PLEKHH3: variants seen among roughly 807,000 people sequenced by gnomAD.
The protein encoded by PLEKHH3 is pleckstrin homology, MyTH4 and FERM domain containing H3.
Under a neutral mutation model 77.8 loss-of-function variants are expected in PLEKHH3, and 57 were observed. The ratio of observed to expected loss-of-function variants is 0.73; its 90% CI spans 0.59 to 0.91. The LOEUF (loss-of-function observed/expected upper bound fraction) is 0.91. PLEKHH3 is among the 40% of genes least tolerant of loss of function. The pLI is 0.00. For synonymous variants in PLEKHH3, 467 were observed against 504.8 expected, an observed-to-expected ratio of 0.93 and a Z score of 1.00; for missense variants, 1,082 against 1,091.2, an observed-to-expected ratio of 0.99 and a Z score of 0.12.
intron 6 of PLEKHH3, 101 bp downstream of exon 6, chr17:42,673,075 T>G (rs1597792641): frequency 2.9e-6 from 4 of 1,388,714 alleles, no homozygotes; most frequent in South Asian, 1.7e-5. Context: ...AGCTGGCAGG[T>G]CCATGAAGGA....
At chr17:42,673,373 C>A (rs1318758886) in intron 5 of PLEKHH3, 26 bp downstream of exon 5, 1 of 1,611,930 alleles carries the variant, frequency 6.2e-7, no homozygotes, top group South Asian at 1.1e-5. Context: ...GGGTCCACCA[C>A]TCTCCTGGCT....
In PLEKHH3 at chr17:42,671,487, G is replaced by C. The variant is rs762781311; in HGVS notation, c.1148C>G (p.Thr383Arg). The C allele has an allele frequency of 5.6e-6, 9 of 1,612,980 alleles. No individual in the cohort carries two copies. The highest frequency in any genetic ancestry group is 1.6e-4 in the Middle Eastern group (1 of 6,084). Residue 383 changes from threonine (T) to arginine (R), a missense_variant, in exon 8 of 13, where the codon ACG (threonine) becomes AGG (arginine). This residue lies in a region of PLEKHH3 where 733 missense variants were observed against 750.0 expected (regional missense o/e 0.98). Coordinates refer to ENST00000591022, the MANE Select transcript of PLEKHH3 (RefSeq NM_024927.5). The surrounding 1 kb of genome is among the most constrained non-coding windows in gnomAD (Gnocchi z 4.7). Reference sequence around the variant, plus strand: ...CGAGGGCACCAGCTCTCTGCCGCGCGTCCGGCCCAGCGCTTTCCGGATGAA... The same window carrying C: ...CGAGGGCACCAGCTCTCTGCCGCGCCTCCGGCCCAGCGCTTTCCGGATGAA... ...ARFIRKALGR[T>R]RGRELVPSLA...
intron 12 of PLEKHH3, 156 bp from the exon 13 acceptor site, chr17:42,668,459 TTTC>T: frequency 1.7e-6 from 1 of 591,688 alleles, no homozygotes; most frequent in Non-Finnish European, 2.6e-6. Flanking sequence ...CTCTCCTTCA[TTTC>T]TTTTTTGTTT....
Position 42,672,077 on chromosome 17 carries a change from CCCT to C in PLEKHH3, c.1076+6_1076+8del. 6.8e-7 allele frequency: 1 copy of C among 1,460,562 alleles called. No homozygotes were observed. 90.5% of individuals were successfully genotyped at this position (1,460,562 alleles called of 1,614,324 possible). ...GCCTAGGCCGTAACCCCCACCTCGC[CCCT>C]CTCACCTCTCCAAGTGCCCCAGGAG... is the stretch of plus-strand genomic sequence containing the variant. On this transcript the variant is annotated splice_donor_region_variant and intron_variant, in intron 7 of 12. Coordinates refer to ENST00000591022, the MANE Select transcript of PLEKHH3 (RefSeq NM_024927.5).
intron 10 of PLEKHH3, 96 bp from the exon 11 acceptor site, chr17:42,670,472 C>T: frequency 6.6e-7 from 1 of 1,517,772 alleles, no homozygotes; most frequent in South Asian, 1.3e-5. Context: ...TCCAGTCAAG[C>T]CTCCCGCGGG....
chr17:42,670,550 G>C (rs1201263152), intron 10 of PLEKHH3, 23 bp downstream of exon 10: 1 of 1,598,328 alleles, frequency 6.3e-7, no homozygotes, highest in East Asian at 2.3e-5. Flanking sequence ...CTGTTTGGAG[G>C]CGTGAACGCC....
Position 42,668,158 on chromosome 17 carries a change from T to C in PLEKHH3, c.2351A>G (p.Gln784Arg). The C allele has an allele frequency of 6.7e-7, 1 of 1,484,420 alleles. No homozygotes were observed. 92.0% of individuals were successfully genotyped at this position (1,484,420 alleles called of 1,614,324 possible). ...CTGCAGCTGCCCCAAGCAGCCAGAC[T>C]GTCCCTGGGGCTCGTCCAGGCCCGG... ...QRPGLDEPQG[Q>R]SGCLGQLQD Residue 784 changes from glutamine (Q) to arginine (R), a missense_variant, in exon 13 of 13, where the codon CAG becomes CGG. Gln to Arg is a conservative substitution (Grantham distance 43). Transcript: ENST00000591022.
At position 42,669,527 on chromosome 17, in the gene PLEKHH3, CTG is replaced by C. The variant is rs748035030; in HGVS notation, c.2106_2107del (p.His702GlnfsTer114). ...GGCGGCCACATGGCCATAGCTGACA[CTG>C]TGGATGGGCTCCGTCTCCCCTGGCC... On this transcript the variant is annotated frameshift_variant, in exon 12 of 13. Transcript: ENST00000591022. LOFTEE classifies it high-confidence loss of function. 6 of 1,611,578 alleles carry C rather than the reference CTG, an allele frequency of 3.7e-6. No homozygotes were observed. In the African/African-American group the frequency reaches 8.0e-5, roughly 22 times the overall value.
At position 42,676,293 on chromosome 17, in the gene PLEKHH3, C is replaced by T. The variant is rs2052825488; in HGVS notation, c.162+109G>A. On this transcript the variant is annotated intron_variant, in intron 1 of 12. Transcript: ENST00000591022. This position sits in a 1 kb window ranked among gnomAD's most constrained non-coding sequence, Gnocchi z 6.6. ...CCCCAGGCAAAAAACTCTCCCTCAT[C>T]CCTAGTTCGCCAAGCGCGCAGCGTG... 8 of 1,538,822 alleles carry T rather than the reference C, an allele frequency of 5.2e-6. No individual in the cohort carries two copies. In the Middle Eastern group the frequency reaches 8.6e-4, roughly 166 times the overall value.
Position 42,672,331 on chromosome 17 carries a change from C to T in PLEKHH3, c.831G>A (p.Leu277=), listed in dbSNP as rs1303414679. Residue 277 remains leucine (L), a synonymous_variant, in exon 7 of 13, where the codon CTG becomes CTA. Coordinates refer to ENST00000591022, the MANE Select transcript of PLEKHH3 (RefSeq NM_024927.5). ...AVRLFLALQA[L]EGARRPGPLM... ...AGGGCCCGGGGCGCCGCGCCCCCTC[C>T]AGCGCCTGCAGCGCCAAGAACAGCC... is the stretch of plus-strand genomic sequence containing the variant. 8 of 1,546,360 alleles carry T rather than the reference C, an allele frequency of 5.2e-6. No individual in the cohort carries two copies. Among genetic ancestry groups the T allele is most frequent in the Admixed American group, 2.0e-5 (1 of 50,894 alleles).
At chr17:42,669,162 T>C (rs1185860161) in intron 12 of PLEKHH3, 1 of 345,072 alleles carries the variant, frequency 2.9e-6, no homozygotes, top group Non-Finnish European at 5.2e-6. Flanking sequence ...CTTCCCTGGC[T>C]AGCTTAAATG....
In PLEKHH3 at chr17:42,671,352, T is replaced by G. The variant is rs779279954; in HGVS notation, c.1283A>C (p.Glu428Ala). The G allele has an allele frequency of 1.9e-6, 3 of 1,609,568 alleles. No homozygotes were observed. In the East Asian group the frequency reaches 6.7e-5, roughly 36 times the overall value. Residue 428 changes from glutamate to alanine, a missense_variant and splice_region_variant, in exon 8 of 13, where the codon GAG becomes GCG. Coordinates refer to ENST00000591022, the MANE Select transcript of PLEKHH3 (RefSeq NM_024927.5). This position sits in a 1 kb window ranked among gnomAD's most constrained non-coding sequence, Gnocchi z 4.7. The stretch of plus-strand genomic sequence containing the variant: ...CATGGGGCCTTTCTCTGGCCTCACC[T>G]CCCCCGCCGTGGTGTGGGAGTCGAT... ...VAIDSHTTAG[E>A]VARELVGRLG...
rs1387324250 is a variant in PLEKHH3 at position 42,676,969 on chromosome 17, G to T, written c.-406C>A. ...GGTGGCCGGGGCCCGGGCCGCGCGC[G>T]CTGCGCTCCCTGCAGCCCCGGGACT... On this transcript the variant is annotated 5_prime_UTR_variant, in exon 1 of 13. Transcript: ENST00000591022. This position sits in a 1 kb window ranked among gnomAD's most constrained non-coding sequence, Gnocchi z 6.6. The T allele has an allele frequency of 5.8e-6, 1 of 173,524 alleles. No individual in the cohort carries two copies. The highest frequency in any genetic ancestry group is 6.5e-5 in the Admixed American group (1 of 15,486). 10.7% of individuals were successfully genotyped at this position (173,524 alleles called of 1,614,324 possible). A position where few individuals can be genotyped will look rare whatever the true frequency, so the allele number is the denominator to read the frequency against.
intron 2 of PLEKHH3, 66 bp downstream of exon 2, chr17:42,674,286 CAG>C: frequency 6.7e-7 from 1 of 1,486,944 alleles, no homozygotes; most frequent in Non-Finnish European, 9.1e-7. Context: ...CTAGGGGAGA[CAG>C]AGAGGATGGG....
At chr17:42,672,506 A>T in intron 6 of PLEKHH3, 114 bp from the exon 7 acceptor site, 355 of 651,386 alleles carry the variant, frequency 5.4e-4, no homozygotes, top group Non-Finnish European at 6.7e-4. Flanking sequence ...ATGGGGTGGC[A>T]GGGAGGGGAG....
rs2143617514 is a variant in PLEKHH3, at chr17:42,676,449, C to T, written c.115G>A (p.Glu39Lys). ...LSGDGDEDED[E>K]ETFELRTPSP... Reference sequence around the variant, plus strand: ...GGGGTCCGCAGCTCAAAGGTTTCCTCGTCCTCGTCCTCGTCCCCGTCCCCG... The same window carrying T: ...GGGGTCCGCAGCTCAAAGGTTTCCTTGTCCTCGTCCTCGTCCCCGTCCCCG... The change falls in exon 1 of 13, where the codon GAG becomes AAG. Residue 39 changes from glutamate to lysine, a missense_variant. This residue lies in a region of PLEKHH3 where 344 missense variants were observed against 320.8 expected (regional missense o/e 1.07). Coordinates refer to ENST00000591022, the MANE Select transcript of PLEKHH3 (RefSeq NM_024927.5). This position sits in a 1 kb window ranked among gnomAD's most constrained non-coding sequence, Gnocchi z 6.6. The T allele has an allele frequency of 6.2e-7, 1 of 1,613,180 alleles. No homozygotes were observed. Among genetic ancestry groups the T allele is most frequent in the South Asian group, 1.1e-5 (1 of 90,958 alleles).
chr17:42,674,283 A>T, intron 2 of PLEKHH3, 71 bp downstream of exon 2: 1 of 1,475,086 alleles, frequency 6.8e-7, no homozygotes, highest in Non-Finnish European at 9.1e-7. Flanking sequence ...CCGCTAGGGG[A>T]GACAGAGAGG....
chr17:42,673,641 A>C lies in PLEKHH3; in HGVS notation c.490+2T>G. On this transcript the variant is annotated splice_donor_variant, in intron 4 of 12. Transcript: ENST00000591022. LOFTEE classifies it high-confidence loss of function. ...GGTAGGAGAGTCCCCAGGAGGTCTC[A>C]CCTGTCTCCTTACGCCTGCGCTCTG... The C allele has an allele frequency of 6.2e-7, 1 of 1,602,622 alleles. No individual in the cohort carries two copies. Among genetic ancestry groups the C allele is most frequent in the Non-Finnish European group, 8.5e-7 (1 of 1,179,542 alleles).
Position 42,674,345 on chromosome 17 carries a change from G to T in PLEKHH3, c.218+9C>A. The T allele has an allele frequency of 6.4e-7, 1 of 1,570,800 alleles. No homozygotes were observed. The highest frequency in any genetic ancestry group is 8.6e-7 in the Non-Finnish European group (1 of 1,160,166). On this transcript the variant is annotated intron_variant, in intron 2 of 12. Coordinates refer to ENST00000591022, the MANE Select transcript of PLEKHH3 (RefSeq NM_024927.5). Reference sequence around the variant, plus strand: ...TCGCCAGACTATGGGACGTAGGGGCGTAGCTCACCTGTTGGAGACAGGCCC... The same window carrying T: ...TCGCCAGACTATGGGACGTAGGGGCTTAGCTCACCTGTTGGAGACAGGCCC...
Sources: allele counts gnomAD v4.1 joint callset, GRCh38; gene constraint gnomAD v4.1.1; regional missense constraint gnomAD v4.1.1; non-coding constraint Gnocchi (gnomAD v3.1); transcripts MANE v1.5; gene names NCBI Gene and HGNC (gene_info 2026-07-23, HGNC 2026-07-21).